LAMC1: variants seen among roughly 807,000 people sequenced by gnomAD.
LAMC1 encodes laminin subunit gamma 1.
A neutral mutation model predicts 173.6 loss-of-function variants in LAMC1; 38 were observed. The observed-to-expected ratio is 0.22, with a 90% confidence interval of 0.17 to 0.29. The LOEUF (loss-of-function observed/expected upper bound fraction) is 0.29, where lower values mean the gene tolerates loss of function less well. Ranked by LOEUF, LAMC1 falls within the 10% of genes least tolerant of loss-of-function variation. The probability of loss-of-function intolerance (pLI) is 1.00; values close to 1 mark genes in which losing one functional copy is unlikely to be tolerated. For synonymous variants in LAMC1, 746 were observed against 749.1 expected, an observed-to-expected ratio of 1.00 and a Z score of 0.07; for missense variants, 1,824 against 2,051.8, an observed-to-expected ratio of 0.89 and a Z score of 2.14.
intron 24 of LAMC1, 133 bp downstream of exon 24, chr1:183,135,289 G>A (rs573461572): frequency 2.4e-5 from 15 of 632,054 alleles, no homozygotes; most frequent in Admixed American, 5.6e-5. Context: ...TATTTCAAAG[G>A]GAAATCCCAG....
At chr1:183,110,955 A>G (rs753276957) in intron 4 of LAMC1, among the ~76,000 whole-genome samples, 4 of 152,154 alleles carry the variant, frequency 2.6e-5, no homozygotes, top group Non-Finnish European at 5.9e-5. Context: ...ACTCCGGAAT[A>G]TGGTTTCTCT....
At chr1:183,121,576 A>G (rs764363452) in intron 11 of LAMC1, 147 bp from the exon 12 acceptor site, 14 of 624,438 alleles carry the variant, frequency 2.2e-5, no homozygotes, top group Non-Finnish European at 3.6e-5. Context: ...AGACGTGGAT[A>G]TCTCGTTTAG....
intron 4 of LAMC1, among the ~76,000 whole-genome samples, chr1:183,111,259 G>A (rs977105590): frequency 1.3e-5 from 2 of 151,916 alleles, no homozygotes; most frequent in African/African-American, 2.4e-5. Flanking sequence ...GCTAACTTTT[G>A]TGTTTTTAGT....
chr1:183,135,639 C>G (rs1656916827), intron 24 of LAMC1, among the ~76,000 whole-genome samples: 1 of 152,042 alleles, frequency 6.6e-6, no homozygotes, highest in African/African-American at 2.4e-5. Flanking sequence ...AATCCCAACA[C>G]TTCGGGAGGA....
chr1:183,093,188 AC>A (rs1363539241), intron 1 of LAMC1, among the ~76,000 whole-genome samples: 1 of 152,090 alleles, frequency 6.6e-6, no homozygotes, highest in South Asian at 2.1e-4. Flanking sequence ...TGTTTTTATT[AC>A]CTGTCTCCAA....
chr1:183,091,990 C>A (rs995122670), intron 1 of LAMC1, among the ~76,000 whole-genome samples: 2 of 152,146 alleles, frequency 1.3e-5, no homozygotes, highest in African/African-American at 4.8e-5. Context: ...GTTTTAGGGC[C>A]TTGTGAATGC....
intron 11 of LAMC1, among the ~76,000 whole-genome samples, chr1:183,118,992 G>A (rs976361062): frequency 6.6e-6 from 1 of 152,048 alleles, no homozygotes; most frequent in Admixed American, 6.5e-5. Flanking sequence ...TCCGCCTCCT[G>A]GTTCAAGCGA....
chr1:183,140,372 T>A, intron 26 of LAMC1, 32 bp from the exon 27 acceptor site: 2 of 1,361,864 alleles, frequency 1.5e-6, no homozygotes, highest in Non-Finnish European at 2.1e-6. Flanking sequence ...AAACATACAG[T>A]CAAGACTCTT....
At chr1:183,096,955 T>C (rs1655709069) in intron 1 of LAMC1, among the ~76,000 whole-genome samples, 1 of 152,236 alleles carries the variant, frequency 6.6e-6, no homozygotes, top group Non-Finnish European at 1.5e-5. Flanking sequence ...CCAGACCATC[T>C]TGGTATATTC....
At chr1:183,032,907 A>G (rs928643590) in intron 1 of LAMC1, among the ~76,000 whole-genome samples, 10 of 151,888 alleles carry the variant, frequency 6.6e-5, no homozygotes, top group Non-Finnish European at 1.3e-4. Flanking sequence ...TAGAGTTCTG[A>G]TTTTGTGTTC....
intron 2 of LAMC1, among the ~76,000 whole-genome samples, chr1:183,107,738 G>C (rs1259002503): frequency 6.6e-6 from 1 of 152,120 alleles, no homozygotes; most frequent in African/African-American, 2.4e-5. Context: ...GCTGAGGCAG[G>C]AGAATGGCGT....
intron 11 of LAMC1, among the ~76,000 whole-genome samples, chr1:183,118,587 G>A (rs1656386301): frequency 6.6e-6 from 1 of 152,030 alleles, no homozygotes; most frequent in Admixed American, 6.6e-5. Context: ...GCCAGGTGGG[G>A]TGGCAAAAGC....
chr1:183,064,424 T>A lies in LAMC1; in HGVS notation c.419-38904T>A, dbSNP rs141869072. 4.0e-3 allele frequency among the ~76,000 whole-genome samples: 614 copies of A among 152,306 alleles called. 10 individuals are homozygous for A. Among genetic ancestry groups the A allele is most frequent in the Admixed American group, 0.03 (457 of 15,300 alleles). The stretch of plus-strand genomic sequence containing the variant: ...GTAACACATTGGTAAGTATAGTAAG[T>A]CCTTACTTACTGGCTTCAATATGCT... On this transcript the variant is annotated intron_variant, in intron 1 of 27. Coordinates refer to ENST00000258341, the MANE Select transcript of LAMC1 (RefSeq NM_002293.4).
Position 183,140,482 on chromosome 1 carries a change from A to T in LAMC1, c.4552A>T (p.Asn1518Tyr). The part of the protein sequence containing the change: ...NSVTSLLSII[N>Y]DLLEQLGQLD... ...TGTTACTAGCCTCCTCAGCATTATTAATGACCTCTTGGAGCAGCTGGGTAC... is the reference window on the plus strand; with the variant it reads ...TGTTACTAGCCTCCTCAGCATTATTTATGACCTCTTGGAGCAGCTGGGTAC... Residue 1518 changes from asparagine to tyrosine, a missense_variant, in exon 27 of 28, where the codon AAT (asparagine) becomes TAT (tyrosine). Coordinates refer to ENST00000258341, the MANE Select transcript of LAMC1 (RefSeq NM_002293.4). 6.2e-7 allele frequency: 1 copy of T among 1,613,178 alleles called. No homozygotes were observed. The highest frequency in any genetic ancestry group is 8.5e-7 in the Non-Finnish European group (1 of 1,179,376).
chr1:183,056,532 C>A (rs532065338), intron 1 of LAMC1, among the ~76,000 whole-genome samples: 1 of 152,152 alleles, frequency 6.6e-6, no homozygotes. Context: ...CCCTCCTCCC[C>A]CCATCCCCCC....
chr1:183,059,720 C>T (rs4072709), intron 1 of LAMC1, among the ~76,000 whole-genome samples: 76,270 of 151,874 alleles, frequency 0.5, 19,788 homozygotes, highest in South Asian at 0.64. Flanking sequence ...GGGACACAAA[C>T]GTGGAATAGT....
intron 11 of LAMC1, among the ~76,000 whole-genome samples, chr1:183,118,777 C>T (rs1347365227): frequency 1.3e-5 from 2 of 150,856 alleles, no homozygotes; most frequent in African/African-American, 4.9e-5. Context: ...GCCTCATCTT[C>T]ATTTCTTTTT....
At chr1:183,079,684 A>G (rs73051776) in intron 1 of LAMC1, among the ~76,000 whole-genome samples, 17,682 of 152,206 alleles carry the variant, frequency 0.12, 1,160 homozygotes, top group Admixed American at 0.2. Flanking sequence ...GAAATTTTAC[A>G]TATGATTGTT....
chr1:183,053,423 T>G (rs12144502), intron 1 of LAMC1, among the ~76,000 whole-genome samples: 34 of 138,056 alleles, frequency 2.5e-4, no homozygotes, highest in Middle Eastern at 3.9e-3. Flanking sequence ...GTGTGTGTTT[T>G]TTTTTTTCAT....
Sources: allele counts gnomAD v4.1 joint callset (sites outside exome capture counted in the v4.1 genomes callset), GRCh38; gene constraint gnomAD v4.1.1; transcripts MANE v1.5; gene names NCBI Gene and HGNC (gene_info 2026-07-23, HGNC 2026-07-21).